Variants in PRR5L observed in about 807,000 individuals in gnomAD.
PRR5L encodes the protein proline rich 5 like.
A neutral mutation model predicts 36.4 loss-of-function variants in PRR5L; 21 were observed. That is an observed-to-expected ratio of 0.58 (90% CI 0.41 to 0.83). PRR5L has a LOEUF of 0.83. PRR5L is among the 40% of genes least tolerant of loss of function. The pLI is 0.00. For missense variants in PRR5L, 381 were observed against 473.3 expected (o/e 0.80, Z 1.81); for synonymous variants, 188 against 197.0 (o/e 0.95, Z 0.38).
At chr11:36,308,928 A>G (rs999425508) in intron 1 of PRR5L, among the ~76,000 whole-genome samples, 1 of 152,256 alleles carries the variant, frequency 6.6e-6, no homozygotes. Context: ...GAACTAAGGC[A>G]GAATTGCCCT....
At chr11:36,397,249 C>T (rs374566203) in intron 1 of PRR5L, among the ~76,000 whole-genome samples, 7 of 149,932 alleles carry the variant, frequency 4.7e-5, no homozygotes, top group Admixed American at 2.7e-4. Flanking sequence ...TATTTTTAGT[C>T]GAGACAGGGT....
intron 1 of PRR5L, among the ~76,000 whole-genome samples, chr11:36,364,024 A>G (rs1857120520): frequency 6.6e-6 from 1 of 152,092 alleles, no homozygotes; most frequent in South Asian, 2.1e-4. Context: ...GTCAGGCTGC[A>G]CTCTGTGGTG....
intron 3 of PRR5L, 84 bp downstream of exon 3, chr11:36,403,462 G>GT: frequency 5.5e-6 from 5 of 916,614 alleles, no homozygotes; most frequent in Admixed American, 2.6e-5. Context: ...GAGCCTTAAG[G>GT]GTTTTTTTTT....
At chr11:36,332,916 A>G (rs1445790139) in intron 1 of PRR5L, among the ~76,000 whole-genome samples, 1 of 152,170 alleles carries the variant, frequency 6.6e-6, no homozygotes, top group African/African-American at 2.4e-5. Flanking sequence ...TTTTCTTTAT[A>G]AATTACCCAG....
chr11:36,387,384 T>G (rs987356610), intron 1 of PRR5L, among the ~76,000 whole-genome samples: 1 of 151,888 alleles, frequency 6.6e-6, no homozygotes, highest in Non-Finnish European at 1.5e-5. Flanking sequence ...ACCTGCACGT[T>G]GTGCACATGT....
chr11:36,318,319 CTTT>C (rs1048399589), intron 1 of PRR5L, among the ~76,000 whole-genome samples: 1 of 152,130 alleles, frequency 6.6e-6, no homozygotes, highest in African/African-American at 2.4e-5. Context: ...CTTTGCTTTA[CTTT>C]TTTAAGTCAA....
chr11:36,359,553 G>C (rs1297258257), intron 1 of PRR5L, among the ~76,000 whole-genome samples: 2 of 152,188 alleles, frequency 1.3e-5, no homozygotes. Flanking sequence ...AATCAATAAT[G>C]ATGCAAAGAT....
At chr11:36,437,245 G>A (rs1335983901) in intron 5 of PRR5L, 140 bp from the exon 6 acceptor site, 2 of 754,002 alleles carry the variant, frequency 2.7e-6, no homozygotes, top group East Asian at 2.4e-5. Context: ...CTGCTCTCTG[G>A]GCTTTAATAG....
chr11:36,459,426 G>A (rs902483721), intron 8 of PRR5L, among the ~76,000 whole-genome samples: 45 of 152,290 alleles, frequency 3.0e-4, no homozygotes, highest in African/African-American at 9.6e-4. Context: ...CTCTACTCCC[G>A]AGGCTTCAGT....
intron 1 of PRR5L, among the ~76,000 whole-genome samples, chr11:36,369,260 G>T (rs1857174258): frequency 6.6e-6 from 1 of 152,168 alleles, no homozygotes; most frequent in Non-Finnish European, 1.5e-5. Flanking sequence ...TGAGGCTGAG[G>T]CTGAGTGTTG....
intron 1 of PRR5L, among the ~76,000 whole-genome samples, chr11:36,361,381 C>T (rs950372724): frequency 6.6e-5 from 10 of 152,126 alleles, no homozygotes; most frequent in African/African-American, 1.7e-4. Context: ...AAATACATTA[C>T]TTATGTTAAT....
At chr11:36,411,925 G>C (rs921337033) in intron 3 of PRR5L, among the ~76,000 whole-genome samples, 1 of 152,178 alleles carries the variant, frequency 6.6e-6, no homozygotes, top group Non-Finnish European at 1.5e-5. Flanking sequence ...AAGACCCAGG[G>C]CTTCAGAGTC....
chr11:36,351,481 AT>A lies in PRR5L; in HGVS notation c.-125-49513del, dbSNP rs1349598660. On this transcript the variant is annotated intron_variant, in intron 1 of 8. Transcript: ENST00000530639. ...TTTATATATTTATATATACATATAT[AT>A]TTATATATTTATATATATTTTTATA... is the stretch of plus-strand genomic sequence containing the variant. 1.1e-4 allele frequency among the ~76,000 whole-genome samples: 4 copies of A among 37,370 alleles called. 1 individual carries two copies. Among genetic ancestry groups the A allele is most frequent in the Non-Finnish European group, 1.7e-4 (4 of 23,932 alleles). The allele number at this position is 37,370 out of a possible 152,430, so 24.5% of individuals were successfully genotyped here. A position where few individuals can be genotyped will look rare whatever the true frequency, so the allele number is the denominator to read the frequency against.
chr11:36,353,543 C>T (rs1347309548), intron 1 of PRR5L, among the ~76,000 whole-genome samples: 1 of 152,186 alleles, frequency 6.6e-6, no homozygotes, highest in East Asian at 1.9e-4. Flanking sequence ...TCTAGAGCAG[C>T]AGTCCCCAAC....
chr11:36,337,223 G>T (rs991547730), intron 1 of PRR5L, among the ~76,000 whole-genome samples: 2 of 152,256 alleles, frequency 1.3e-5, no homozygotes, highest in South Asian at 2.1e-4. Context: ...AAGAAGGAGG[G>T]CCTTTCAGAG....
intron 1 of PRR5L, among the ~76,000 whole-genome samples, chr11:36,342,536 G>C (rs1856827367): frequency 6.6e-6 from 1 of 152,168 alleles, no homozygotes; most frequent in East Asian, 1.9e-4. Flanking sequence ...AGAATGAGAA[G>C]AATGTTAATT....
rs147350660 is a variant in PRR5L, at chr11:36,332,949, A to C, written c.-126+36511A>C. ...CAGTCTTGGGTGTTCCTTTATAGCAATGTAAAATGGACTAATAAACCATTC... is the reference window on the plus strand; with the variant it reads ...CAGTCTTGGGTGTTCCTTTATAGCACTGTAAAATGGACTAATAAACCATTC... On this transcript the variant is annotated intron_variant, in intron 1 of 8. Coordinates refer to ENST00000530639, the MANE Select transcript of PRR5L (RefSeq NM_001160167.2). Among the ~76,000 whole-genome samples the C allele has an allele frequency of 2.9e-3, 437 of 152,180 alleles. 7 individuals are homozygous for C. Among genetic ancestry groups the C allele is most frequent in the African/African-American group, 9.9e-3 (409 of 41,504 alleles).
chr11:36,415,967 C>T (rs1373146635), intron 3 of PRR5L, among the ~76,000 whole-genome samples: 1 of 152,210 alleles, frequency 6.6e-6, no homozygotes, highest in African/African-American at 2.4e-5. Context: ...TCCCATTTTA[C>T]AAGGTAGCCT....
chr11:36,410,463 G>T (rs867215299), intron 3 of PRR5L, among the ~76,000 whole-genome samples: 4 of 152,292 alleles, frequency 2.6e-5, no homozygotes, highest in Middle Eastern at 3.4e-3. Context: ...CTCCATTTGA[G>T]TTGGGATCTA....
Sources: allele counts gnomAD v4.1 joint callset (sites outside exome capture counted in the v4.1 genomes callset), GRCh38; gene constraint gnomAD v4.1.1; transcripts MANE v1.5; gene names NCBI Gene and HGNC (gene_info 2026-07-23, HGNC 2026-07-21).